SOS2: variants seen among roughly 807,000 people sequenced by gnomAD.
SOS2 encodes SOS Ras/Rho guanine nucleotide exchange factor 2, also known as son of sevenless homolog 2.
Under a neutral mutation model 148.2 loss-of-function variants are expected in SOS2, and 65 were observed. The observed-to-expected ratio is 0.44, with a 90% confidence interval of 0.36 to 0.54. The LOEUF (loss-of-function observed/expected upper bound fraction) is 0.54, where lower values mean the gene tolerates loss of function less well. SOS2 is among the 20% of genes least tolerant of loss of function. The pLI is 0.00. For synonymous variants in SOS2, 539 were observed against 537.1 expected (o/e 1.00, Z -0.05); for missense variants, 1,341 against 1,590.2 (o/e 0.84, Z 2.67).
At chr14:50,124,238 G>A (rs1343569892) in intron 21 of SOS2, among the ~76,000 whole-genome samples, 1 of 152,198 alleles carries the variant, frequency 6.6e-6, no homozygotes, top group African/African-American at 2.4e-5. Flanking sequence ...AAGAGGTCCA[G>A]AAACTGAGTC....
chr14:50,141,203 C>CAA lies in SOS2; in HGVS notation c.2668-1146_2668-1145dup, dbSNP rs71118844. Among the ~76,000 whole-genome samples the CAA allele has an allele frequency of 5.2e-3, 160 of 30,588 alleles. 5 individuals carry two copies. The highest frequency in any genetic ancestry group is 9.1e-3 in the African/African-American group (62 of 6,848). The allele number at this position is 30,588 out of a possible 152,430, so 20.1% of individuals were successfully genotyped here. A position where few individuals can be genotyped will look rare whatever the true frequency, so the allele number is the denominator to read the frequency against. ...TGGGTGACAGAGCGAGACTCTGTCT[C>CAA]AAAAAAAAAAAAAAAAAAAAAAAAA... On this transcript the variant is annotated intron_variant, in intron 16 of 22. Coordinates refer to ENST00000216373, the MANE Select transcript of SOS2 (RefSeq NM_006939.4).
intron 19 of SOS2, 102 bp downstream of exon 19, chr14:50,134,021 G>T: frequency 5.4e-6 from 4 of 738,498 alleles, no homozygotes; most frequent in South Asian, 4.5e-5. Context: ...AAACACCTAG[G>T]AACAGCCATT....
intron 4 of SOS2, 37 bp from the exon 5 acceptor site, chr14:50,188,737 T>G (rs1487637632): frequency 7.2e-7 from 1 of 1,393,714 alleles, no homozygotes; most frequent in Non-Finnish European, 9.9e-7. Context: ...AAATTTATTT[T>G]CTTTACTTTT....
chr14:50,121,787 T>A (rs890308964), intron 21 of SOS2, among the ~76,000 whole-genome samples: 2 of 147,448 alleles, frequency 1.4e-5, no homozygotes, highest in African/African-American at 5.0e-5. Flanking sequence ...ACAAAAGGTA[T>A]GCCTATGAGG....
Position 50,153,244 on chromosome 14 carries a change from C to T in SOS2, c.2058-71G>A, listed in dbSNP as rs117064591. 0.023 allele frequency: 18,619 copies of T among 803,646 alleles called. 394 individuals carry two copies. Among genetic ancestry groups the T allele is most frequent in the Non-Finnish European group, 0.024 (11,362 of 467,348 alleles). The allele number at this position is 803,646 out of a possible 1,614,324, so 49.8% of individuals were successfully genotyped here. ...AATTACACTTCTTCCTTCTCTAATG[C>T]CACGATAATAGCTTTACATACAAGG... On this transcript the variant is annotated intron_variant, in intron 12 of 22. Transcript: ENST00000216373.
rs149569084 is a variant in SOS2 at position 50,216,588 on chromosome 14, G to A, written c.88-12179C>T. Among the ~76,000 whole-genome samples, 197 of 151,828 alleles carry A rather than the reference G, an allele frequency of 1.3e-3. 1 individual carries two copies. In the East Asian group the frequency reaches 0.029, roughly 22 times the overall value. ...AGGCTGGCCAACATGGTGAAACCCC[G>A]TCTGTACTAAAAGTACAAAAATTAG... On this transcript the variant is annotated intron_variant, in intron 1 of 22. Coordinates refer to ENST00000216373, the MANE Select transcript of SOS2 (RefSeq NM_006939.4).
chr14:50,118,957 CA>C, intron 22 of SOS2, 104 bp from the exon 23 acceptor site: 1 of 629,208 alleles, frequency 1.6e-6, no homozygotes, highest in African/African-American at 1.9e-5. Flanking sequence ...TTCAGAGGCT[CA>C]AAATAAACTA....
At chr14:50,182,337 T>C (rs749021151) in intron 6 of SOS2, 126 bp downstream of exon 6, 63 of 823,102 alleles carry the variant, frequency 7.7e-5, no homozygotes, top group Non-Finnish European at 1.2e-4. Flanking sequence ...GGCACTACCA[T>C]GCCTGGATAA....
At chr14:50,207,200 A>G (rs1230128311) in intron 1 of SOS2, among the ~76,000 whole-genome samples, 2 of 152,190 alleles carry the variant, frequency 1.3e-5, no homozygotes, top group African/African-American at 4.8e-5. Context: ...TAAAAACTCA[A>G]AAAGAAAGAT....
intron 7 of SOS2, among the ~76,000 whole-genome samples, chr14:50,175,848 T>C (rs1482070833): frequency 6.6e-6 from 1 of 152,204 alleles, no homozygotes; most frequent in Non-Finnish European, 1.5e-5. Context: ...TTCATAAATA[T>C]TACCATAATT....
chr14:50,153,195 C>T (rs780651504), intron 12 of SOS2, 22 bp from the exon 13 acceptor site: 3 of 1,394,118 alleles, frequency 2.2e-6, no homozygotes, highest in Admixed American at 1.8e-5. Flanking sequence ...GAAAGAAACA[C>T]ATTTTAGTGA....
At chr14:50,118,983 T>A in intron 22 of SOS2, 130 bp from the exon 23 acceptor site, 1 of 537,770 alleles carries the variant, frequency 1.9e-6, no homozygotes, top group Non-Finnish European at 3.2e-6. Context: ...GGGTTAATTA[T>A]CAGATTATGA....
chr14:50,224,314 T>TATATACAC (rs1281779995), intron 1 of SOS2, among the ~76,000 whole-genome samples: 27 of 101,028 alleles, frequency 2.7e-4, no homozygotes, highest in African/African-American at 1.1e-3. Flanking sequence ...AATATATATA[T>TATATACAC]ACACACACAC....
intron 3 of SOS2, among the ~76,000 whole-genome samples, chr14:50,200,181 T>C (rs1299134005): frequency 6.6e-6 from 1 of 152,092 alleles, no homozygotes; most frequent in East Asian, 1.9e-4. Flanking sequence ...ATATCTGCTA[T>C]CTTCAAGGAC....
intron 16 of SOS2, among the ~76,000 whole-genome samples, chr14:50,140,393 C>T (rs1251198616): frequency 1.3e-5 from 2 of 152,082 alleles, no homozygotes; most frequent in African/African-American, 2.4e-5. Context: ...AATATTTTTC[C>T]ACTGAAAGAT....
intron 9 of SOS2, 82 bp downstream of exon 9, chr14:50,161,400 T>C (rs1038945181): frequency 6.5e-6 from 7 of 1,079,968 alleles, no homozygotes; most frequent in South Asian, 3.0e-5. Flanking sequence ...ACTATCACAA[T>C]AAATCACACT....
At position 50,231,242 on chromosome 14, in the gene SOS2, C is replaced by A; in HGVS notation, c.42G>T (p.Glu14Asp). 6.6e-7 allele frequency: 1 copy of A among 1,512,760 alleles called. No homozygotes were observed. The highest frequency in any genetic ancestry group is 8.9e-7 in the Non-Finnish European group (1 of 1,119,474). The allele number at this position is 1,512,760 out of a possible 1,614,324, so 93.7% of individuals were successfully genotyped here. The part of the protein sequence containing the change: ...APQPYEFFSE[E>D]NSPKWRGLLV... ...ACAGTCCCCGCCATTTCGGACTGTT[C>A]TCCTCGCTGAAGAACTCGTAAGGCT... Residue 14 changes from glutamate (E) to aspartate (D), a missense_variant, in exon 1 of 23, where the codon GAG becomes GAT. Transcript: ENST00000216373.
At chr14:50,192,435 A>C (rs1886171953) in intron 4 of SOS2, among the ~76,000 whole-genome samples, 1 of 152,154 alleles carries the variant, frequency 6.6e-6, no homozygotes, top group African/African-American at 2.4e-5. Flanking sequence ...ACGCACCTGT[A>C]ATCCCAGCTA....
intron 14 of SOS2, among the ~76,000 whole-genome samples, chr14:50,146,247 T>G (rs1884468134): frequency 6.6e-6 from 1 of 152,178 alleles, no homozygotes; most frequent in Non-Finnish European, 1.5e-5. Flanking sequence ...ACAACCATTT[T>G]GTAAAACAAT....
Sources: allele counts gnomAD v4.1 joint callset (sites outside exome capture counted in the v4.1 genomes callset), GRCh38; gene constraint gnomAD v4.1.1; transcripts MANE v1.5; gene names NCBI Gene and HGNC (gene_info 2026-07-23, HGNC 2026-07-21).